SDHAF3: variants seen among roughly 807,000 people sequenced by gnomAD.
SDHAF3 encodes succinate dehydrogenase complex assembly factor 3.
In SDHAF3, 18 loss-of-function variants were observed where a neutral mutation model predicts 11.5. That is an observed-to-expected ratio of 1.56 (90% CI 1.08 to 2.32). The LOEUF is 2.32. Ranked by LOEUF, SDHAF3 falls within the 30% of genes most tolerant of loss-of-function variation. The pLI is 0.00. For missense variants in SDHAF3, 200 were observed against 154.4 expected (o/e 1.30, Z -1.57); for synonymous variants, 72 against 59.3 (o/e 1.21, Z -0.99).
At chr7:97,178,911 A>C (rs780749346) in intron 1 of SDHAF3, among the ~76,000 whole-genome samples, 1 of 152,164 alleles carries the variant, frequency 6.6e-6, no homozygotes, top group Non-Finnish European at 1.5e-5. Context: ...ACCTATTGCC[A>C]AATCAAAGGT....
chr7:97,122,684 A>G, intron 1 of SDHAF3, among the ~76,000 whole-genome samples: 1 of 152,130 alleles, frequency 6.6e-6, no homozygotes, highest in East Asian at 1.9e-4. Flanking sequence ...GCTTTGTGCT[A>G]AAAATTCTCA....
intron 1 of SDHAF3, among the ~76,000 whole-genome samples, chr7:97,175,590 A>T (rs993759108): frequency 6.6e-6 from 1 of 152,220 alleles, no homozygotes; most frequent in Non-Finnish European, 1.5e-5. Flanking sequence ...GTGCTCGACC[A>T]TACCAGTAAT....
Position 97,130,248 on chromosome 7 carries a change from G to A in SDHAF3, c.174+12351G>A, listed in dbSNP as rs1265249390. ...CACAGTGCCACTGCACTCCAGCCTC[G>A]GTGACGGAGTGATACCCAGTCTAAA... On this transcript the variant is annotated intron_variant, in intron 1 of 1. Coordinates refer to ENST00000432641, the MANE Select transcript of SDHAF3 (RefSeq NM_020186.3). Among the ~76,000 whole-genome samples, 6 of 150,366 alleles carry A rather than the reference G, an allele frequency of 4.0e-5. No individual in the cohort carries two copies. In the East Asian group the frequency reaches 5.9e-4, roughly 15 times the overall value.
intron 1 of SDHAF3, among the ~76,000 whole-genome samples, chr7:97,165,094 C>T (rs185295101): frequency 1.2e-4 from 19 of 152,180 alleles, no homozygotes; most frequent in Admixed American, 1.2e-3. Flanking sequence ...ACCATCCTGG[C>T]TAACTTGGTG....
chr7:97,163,186 T>TC (rs1443033956), intron 1 of SDHAF3, among the ~76,000 whole-genome samples: 1 of 150,302 alleles, frequency 6.7e-6, no homozygotes, highest in African/African-American at 2.4e-5. Flanking sequence ...TTTTTTTTTT[T>TC]TAATTTTTAG....
At chr7:97,132,506 T>C (rs1451271110) in intron 1 of SDHAF3, among the ~76,000 whole-genome samples, 1 of 152,236 alleles carries the variant, frequency 6.6e-6, no homozygotes, top group Non-Finnish European at 1.5e-5. Flanking sequence ...TAGTATTATG[T>C]CTTGTTAAGC....
At chr7:97,160,803 T>G (rs1446993937) in intron 1 of SDHAF3, among the ~76,000 whole-genome samples, 1 of 152,248 alleles carries the variant, frequency 6.6e-6, no homozygotes, top group Non-Finnish European at 1.5e-5. Context: ...TGCTGAAGCC[T>G]GAGCTTTGGA....
At chr7:97,132,326 T>C (rs1356256803) in intron 1 of SDHAF3, among the ~76,000 whole-genome samples, 1 of 152,172 alleles carries the variant, frequency 6.6e-6, no homozygotes, top group Non-Finnish European at 1.5e-5. Flanking sequence ...TTGAGTTTTG[T>C]AAATGAAATA....
chr7:97,130,285 A>AC (rs1584210345), intron 1 of SDHAF3, among the ~76,000 whole-genome samples: 1 of 151,690 alleles, frequency 6.6e-6, no homozygotes, highest in African/African-American at 2.4e-5. Context: ...AAAAAAAAAA[A>AC]AACCTTGATG....
At chr7:97,120,176 G>C (rs766304963) in intron 1 of SDHAF3, among the ~76,000 whole-genome samples, 1 of 152,158 alleles carries the variant, frequency 6.6e-6, no homozygotes, top group East Asian at 1.9e-4. Flanking sequence ...GTTGACACGC[G>C]TCTGTAGAGA....
intron 1 of SDHAF3, 150 bp downstream of exon 1, chr7:97,118,047 T>G: frequency 2.0e-6 from 2 of 989,648 alleles, no homozygotes; most frequent in Non-Finnish European, 2.9e-6. Context: ...CTTTCCAAAG[T>G]TTCTCCCACG....
At chr7:97,119,377 GGAGA>G (rs1250357091) in intron 1 of SDHAF3, among the ~76,000 whole-genome samples, 1 of 151,978 alleles carries the variant, frequency 6.6e-6, no homozygotes, top group African/African-American at 2.4e-5. Flanking sequence ...ATAGGTTGTA[GGAGA>G]GAGAGAGGGT....
chr7:97,151,903 T>C (rs1470648825), intron 1 of SDHAF3, among the ~76,000 whole-genome samples: 1 of 152,144 alleles, frequency 6.6e-6, no homozygotes, highest in Non-Finnish European at 1.5e-5. Context: ...GGTTCCCTGC[T>C]GTTCCCCAGT....
At chr7:97,180,944 T>C in intron 1 of SDHAF3, 68 bp from the exon 2 acceptor site, 1 of 1,348,292 alleles carries the variant, frequency 7.4e-7, no homozygotes, top group Non-Finnish European at 1.0e-6. Flanking sequence ...AGAATTAGAA[T>C]TCAAGTCCTC....
At chr7:97,142,165 T>C (rs1789060062) in intron 1 of SDHAF3, among the ~76,000 whole-genome samples, 1 of 145,650 alleles carries the variant, frequency 6.9e-6, no homozygotes, top group African/African-American at 2.5e-5. Context: ...GCAATTCTCC[T>C]GCCTCAGCCT....
At chr7:97,144,992 A>G (rs142617426) in intron 1 of SDHAF3, among the ~76,000 whole-genome samples, 3,811 of 149,592 alleles carry the variant, frequency 0.025, 148 homozygotes, top group African/African-American at 0.089. Context: ...AGTGTTTTGT[A>G]GTTTTCTTTG....
At chr7:97,137,595 A>C (rs1397018292) in intron 1 of SDHAF3, among the ~76,000 whole-genome samples, 3 of 152,152 alleles carry the variant, frequency 2.0e-5, no homozygotes, top group Non-Finnish European at 4.4e-5. Flanking sequence ...AATGTCTACT[A>C]TTTTTTAGGG....
intron 1 of SDHAF3, among the ~76,000 whole-genome samples, chr7:97,120,953 C>T (rs531944421): frequency 5.9e-5 from 9 of 151,924 alleles, no homozygotes; most frequent in Non-Finnish European, 1.2e-4. Context: ...AGTGGGGCAA[C>T]GTGGAAGGAA....
chr7:97,125,920 T>G (rs1399460945), intron 1 of SDHAF3, among the ~76,000 whole-genome samples: 1 of 152,172 alleles, frequency 6.6e-6, no homozygotes. Flanking sequence ...AGCATTCTGG[T>G]TTTTGGAATT....
Sources: allele counts gnomAD v4.1 joint callset (sites outside exome capture counted in the v4.1 genomes callset), GRCh38; gene constraint gnomAD v4.1.1; transcripts MANE v1.5; gene names NCBI Gene and HGNC (gene_info 2026-07-23, HGNC 2026-07-21).